The following CSMD1 variants were observed in gnomAD, a reference collection of about 807,000 sequenced individuals.
CSMD1 encodes CUB and sushi domain-containing protein 1.
Under a neutral mutation model 417.5 loss-of-function variants are expected in CSMD1, and 213 were observed. The observed-to-expected ratio is 0.51, with a 90% CI of 0.46 to 0.57. CSMD1 has a LOEUF of 0.57. Among genes scored for constraint, CSMD1 ranks in the 20% least tolerant of loss-of-function variants. CSMD1 has a pLI of 0.00. For missense variants in CSMD1, 6,923 were observed against 4,529.7 expected, an observed-to-expected ratio of 1.53 and a Z score of -15.17; for synonymous variants, 2,862 against 1,736.8, an observed-to-expected ratio of 1.65 and a Z score of -16.11.
intron 6 of CSMD1, among the ~76,000 whole-genome samples, chr8:3,731,186 C>G (rs926964149): frequency 1.3e-5 from 2 of 152,110 alleles, no homozygotes; most frequent in Non-Finnish European, 2.9e-5. Flanking sequence ...AAAGTAAAAC[C>G]TCTTACCCAT....
At chr8:4,945,491 T>A (rs377339329) in intron 1 of CSMD1, among the ~76,000 whole-genome samples, 1 of 145,574 alleles carries the variant, frequency 6.9e-6, no homozygotes, top group Non-Finnish European at 1.5e-5. Flanking sequence ...GCCCAAGAGT[T>A]TTAAAAAAAC....
chr8:3,316,926 CA>C (rs1563265445), intron 23 of CSMD1, among the ~76,000 whole-genome samples: 3 of 152,050 alleles, frequency 2.0e-5, no homozygotes, highest in Non-Finnish European at 4.4e-5. Flanking sequence ...GGAAAATCTG[CA>C]AAAGTATTTA....
At chr8:4,858,703 T>A (rs2116863963) in intron 1 of CSMD1, among the ~76,000 whole-genome samples, 1 of 149,448 alleles carries the variant, frequency 6.7e-6, no homozygotes, top group Non-Finnish European at 1.5e-5. Flanking sequence ...GAATCCAACT[T>A]ACAAGGGATG....
At chr8:3,394,744 G>A (rs1245444386) in intron 17 of CSMD1, among the ~76,000 whole-genome samples, 3 of 152,142 alleles carry the variant, frequency 2.0e-5, no homozygotes, top group East Asian at 1.9e-4. Flanking sequence ...GTGACAACTC[G>A]AATGGACATT....
At chr8:3,759,352 C>G (rs572936204) in intron 5 of CSMD1, among the ~76,000 whole-genome samples, 40 of 152,170 alleles carry the variant, frequency 2.6e-4, no homozygotes, top group African/African-American at 9.2e-4. Flanking sequence ...TGACACAATT[C>G]TTATCTATTC....
chr8:3,782,791 A>T (rs7822094), intron 5 of CSMD1, among the ~76,000 whole-genome samples: 1 of 152,162 alleles, frequency 6.6e-6, no homozygotes, highest in East Asian at 1.9e-4. Flanking sequence ...GGAATTAAAG[A>T]TAACAAATGA....
chr8:4,069,639 GCA>G (rs1799441770), intron 3 of CSMD1, among the ~76,000 whole-genome samples: 1 of 152,106 alleles, frequency 6.6e-6, no homozygotes, highest in Non-Finnish European at 1.5e-5. Flanking sequence ...TCAAGCCTCT[GCA>G]GCTTCCTGGG....
intron 2 of CSMD1, among the ~76,000 whole-genome samples, chr8:4,490,430 ATTGGTT>A (rs1801642839): frequency 6.6e-6 from 1 of 152,170 alleles, no homozygotes; most frequent in African/African-American, 2.4e-5. Context: ...CCTATCTACT[ATTGGTT>A]TTAACTTTTA....
intron 21 of CSMD1, among the ~76,000 whole-genome samples, chr8:3,352,803 G>A (rs1486846773): frequency 6.6e-6 from 1 of 152,178 alleles, no homozygotes; most frequent in Non-Finnish European, 1.5e-5. Flanking sequence ...TCGTGCCATT[G>A]CACTCTACTC....
At chr8:3,682,962 T>G (rs955548633) in intron 7 of CSMD1, among the ~76,000 whole-genome samples, 1 of 151,980 alleles carries the variant, frequency 6.6e-6, no homozygotes, top group Admixed American at 6.6e-5. Flanking sequence ...AACCAAACAC[T>G]GCATGTTGTC....
At chr8:3,801,670 G>A (rs1055676296) in intron 5 of CSMD1, among the ~76,000 whole-genome samples, 2 of 152,096 alleles carry the variant, frequency 1.3e-5, no homozygotes, top group African/African-American at 2.4e-5. Context: ...AAACTAGTGG[G>A]CAAATATTCA....
intron 1 of CSMD1, among the ~76,000 whole-genome samples, chr8:4,680,825 C>T (rs1467438828): frequency 6.6e-6 from 1 of 152,008 alleles, no homozygotes; most frequent in African/African-American, 2.4e-5. Context: ...GGTGATCCAC[C>T]CGCCTTGGCC....
At chr8:4,017,247 T>G (rs955908042) in intron 4 of CSMD1, among the ~76,000 whole-genome samples, 2 of 152,156 alleles carry the variant, frequency 1.3e-5, no homozygotes, top group South Asian at 4.1e-4. Flanking sequence ...TTTTTCACAA[T>G]TCAAGGCTAT....
chr8:3,767,887 T>A (rs1447381463), intron 5 of CSMD1, among the ~76,000 whole-genome samples: 3 of 152,204 alleles, frequency 2.0e-5, no homozygotes, highest in Non-Finnish European at 4.4e-5. Flanking sequence ...TATATCATGG[T>A]AAAAAGTTAA....
chr8:4,365,845 A>C lies in CSMD1; in HGVS notation c.415+54108T>G, dbSNP rs550740052. Among the ~76,000 whole-genome samples the C allele has an allele frequency of 1.2e-3, 187 of 152,344 alleles. 1 individual carries two copies. Among genetic ancestry groups the C allele is most frequent in the Middle Eastern group, 6.8e-3 (2 of 294 alleles). ...TTGACTTTTCTAGATTCCACCAAGG[A>C]AACATCACTAAAAATCTACTTAAAG... On this transcript the variant is annotated intron_variant, in intron 3 of 69. Coordinates refer to ENST00000635120, the MANE Select transcript of CSMD1 (RefSeq NM_033225.6).
intron 2 of CSMD1, among the ~76,000 whole-genome samples, chr8:4,631,817 T>G (rs935296682): frequency 2.0e-5 from 3 of 152,210 alleles, no homozygotes; most frequent in Admixed American, 6.5e-5. Context: ...TTGTTAAAGT[T>G]AGAAAGACCG....
chr8:4,440,796 G>C (rs755350587), intron 2 of CSMD1, among the ~76,000 whole-genome samples: 6 of 151,946 alleles, frequency 3.9e-5, no homozygotes, highest in Non-Finnish European at 8.8e-5. Flanking sequence ...AGCAGTTCGG[G>C]ACCAGCCTGG....
chr8:4,312,152 C>T (rs552126258), intron 3 of CSMD1, among the ~76,000 whole-genome samples: 9 of 151,886 alleles, frequency 5.9e-5, no homozygotes, highest in South Asian at 2.1e-4. Flanking sequence ...TCTTTACACA[C>T]GCTTCCTACG....
intron 3 of CSMD1, 138 bp downstream of exon 3, chr8:4,419,815 C>A: frequency 1.8e-6 from 1 of 568,182 alleles, no homozygotes; most frequent in Non-Finnish European, 3.2e-6. Context: ...AATGCCATTG[C>A]ATTACACAGA....
Sources: allele counts gnomAD v4.1 joint callset (sites outside exome capture counted in the v4.1 genomes callset), GRCh38; gene constraint gnomAD v4.1.1; transcripts MANE v1.5; gene names NCBI Gene and HGNC (gene_info 2026-07-23, HGNC 2026-07-21).